The following HEXB variants were observed in gnomAD, a reference collection of about 807,000 sequenced individuals.
HEXB encodes the protein hexosaminidase subunit beta, also known as beta-hexosaminidase subunit beta.
HEXB carries 51 observed loss-of-function variants against 71.2 expected under a neutral mutation model. The ratio of observed to expected loss-of-function variants is 0.72; its 90% confidence interval spans 0.57 to 0.90. The LOEUF is 0.90. Ranked by LOEUF, HEXB falls within the 40% of genes least tolerant of loss-of-function variation. The probability of loss-of-function intolerance (pLI) is 0.00; values close to 1 mark genes in which losing one functional copy is unlikely to be tolerated. For synonymous variants in HEXB, 266 were observed against 249.3 expected, an observed-to-expected ratio of 1.07 and a Z score of -0.63; for missense variants, 617 against 677.0, an observed-to-expected ratio of 0.91 and a Z score of 0.98.
intron 5 of HEXB, among the ~76,000 whole-genome samples, chr5:74,704,764 G>T (rs1749341890): frequency 6.6e-6 from 1 of 152,140 alleles, no homozygotes; most frequent in Non-Finnish European, 1.5e-5. Context: ...ATATGATGAA[G>T]AATTTCTATT....
At chr5:74,677,245 A>T (rs749172026) in intron 1 of HEXB, among the ~76,000 whole-genome samples, 4 of 152,174 alleles carry the variant, frequency 2.6e-5, no homozygotes, top group Non-Finnish European at 4.4e-5. Flanking sequence ...GCTAGAAAAA[A>T]ACAAAATAAA....
chr5:74,660,982 A>T (rs556654977), intron 1 of HEXB, among the ~76,000 whole-genome samples: 108 of 152,320 alleles, frequency 7.1e-4, no homozygotes, highest in African/African-American at 2.5e-3. Context: ...TTGTAAAGGG[A>T]ACATGGCAAC....
chr5:74,666,528 T>C (rs2112096193), intron 1 of HEXB, among the ~76,000 whole-genome samples: 1 of 152,262 alleles, frequency 6.6e-6, no homozygotes, highest in South Asian at 2.1e-4. Context: ...CAGGATCAAG[T>C]TCAGCAGGGG....
intron 1 of HEXB, among the ~76,000 whole-genome samples, chr5:74,686,558 A>G (rs1283131756): frequency 1.3e-5 from 2 of 152,248 alleles, no homozygotes; most frequent in Non-Finnish European, 2.9e-5. Context: ...GACCCCAGAT[A>G]GGACAGGTGC....
At chr5:74,718,429 G>A in intron 10 of HEXB, 66 bp downstream of exon 10, 2 of 1,219,940 alleles carry the variant, frequency 1.6e-6, no homozygotes, top group South Asian at 2.4e-5. Context: ...GGGGCAACTG[G>A]GAATTTGCAA....
At chr5:74,646,062 T>G (rs2112067319) in intron 1 of HEXB, among the ~76,000 whole-genome samples, 1 of 152,220 alleles carries the variant, frequency 6.6e-6, no homozygotes, top group East Asian at 1.9e-4. Context: ...TATGGCAATA[T>G]CTCGGTGCCT....
intron 1 of HEXB, among the ~76,000 whole-genome samples, chr5:74,656,277 G>A (rs1224171912): frequency 1.3e-5 from 2 of 152,102 alleles, no homozygotes; most frequent in East Asian, 1.9e-4. Context: ...TCAGCAGTTC[G>A]AGACCAGCCT....
chr5:74,720,344 G>T, intron 11 of HEXB, 84 bp from the exon 12 acceptor site: 1 of 1,030,792 alleles, frequency 9.7e-7, no homozygotes. Context: ...CTAGGATAAA[G>T]ATGGAGGAAA....
At chr5:74,662,805 G>T (rs114435289) in intron 1 of HEXB, among the ~76,000 whole-genome samples, 4,258 of 152,184 alleles carry the variant, frequency 0.028, 143 homozygotes, top group Admixed American at 0.098. Flanking sequence ...CTATAATTTG[G>T]TTTTTTGTAA....
At chr5:74,704,393 G>A (rs1749333385) in intron 5 of HEXB, among the ~76,000 whole-genome samples, 1 of 151,856 alleles carries the variant, frequency 6.6e-6, no homozygotes, top group African/African-American at 2.4e-5. Flanking sequence ...TAAAAATAGT[G>A]TTTATATTTT....
At chr5:74,647,986 C>T (rs1748032665) in intron 1 of HEXB, among the ~76,000 whole-genome samples, 1 of 152,230 alleles carries the variant, frequency 6.6e-6, no homozygotes, top group Admixed American at 6.5e-5. Flanking sequence ...GAAGGTATCT[C>T]CTTTCAACTC....
chr5:74,697,016 CATT>C lies in HEXB; in HGVS notation c.583_585del (p.Ile195del). On this transcript the variant is annotated inframe_deletion, in exon 5 of 14. Transcript: ENST00000261416. Reference sequence around the variant, plus strand: ...CATAGTTCACCATCAATGAATCCACCATTATTGATTCTCCAAGGTTTTCTCACA... The same window carrying C: ...CATAGTTCACCATCAATGAATCCACCATTGATTCTCCAAGGTTTTCTCACA... 1 of 1,560,030 alleles carries C rather than the reference CATT, an allele frequency of 6.4e-7. No homozygotes were observed. The highest frequency in any genetic ancestry group is 8.8e-7 in the Non-Finnish European group (1 of 1,132,016).
Position 74,641,339 on chromosome 5 carries a change from G to C in HEXB, c.-377+781G>C, listed in dbSNP as rs1026121488. The stretch of plus-strand genomic sequence containing the variant: ...GACGTTTAAGTTTCTTGCTGGCAGA[G>C]AGCCAAAGAGACTCCAGCCCCAGGC... On this transcript the variant is annotated intron_variant, in intron 1 of 13. Transcript: ENST00000511181. The surrounding 1 kb of genome is among the most constrained non-coding windows in gnomAD (Gnocchi z 4.1). 4 of 152,396 alleles carry C rather than the reference G, an allele frequency of 2.6e-5. No homozygotes were observed. Among genetic ancestry groups the C allele is most frequent in the African/African-American group, 4.8e-5 (2 of 41,450 alleles). The allele number at this position is 152,396 out of a possible 1,614,324, so 9.4% of individuals were successfully genotyped here.
intron 8 of HEXB, among the ~76,000 whole-genome samples, chr5:74,716,016 C>CAA (rs71600435): frequency 0.011 from 716 of 64,666 alleles, 17 homozygotes; most frequent in Non-Finnish European, 0.017. Context: ...GACTCCATCT[C>CAA]AAAAAAAAAA....
intron 1 of HEXB, among the ~76,000 whole-genome samples, chr5:74,671,916 A>G (rs1748547389): frequency 6.6e-6 from 1 of 152,098 alleles, no homozygotes; most frequent in African/African-American, 2.4e-5. Context: ...GAATGCTAGG[A>G]AAGTATTCTC....
rs1749745382 is a variant in HEXB, at chr5:74,719,018, ATGG to A, written c.1417+49_1417+51del. On this transcript the variant is annotated intron_variant, in intron 11 of 13. Coordinates refer to ENST00000261416, the MANE Select transcript of HEXB (RefSeq NM_000521.4). ...AGTGTTGTGGGTTACTGTGAAGCTG[ATGG>A]TAAGTGAAGCAACCATTGTTACCTT... The A allele has an allele frequency of 2.5e-6, 4 of 1,576,626 alleles. No individual in the cohort carries two copies. In the East Asian group the frequency reaches 9.0e-5, roughly 35 times the overall value.
At chr5:74,659,478 A>T (rs954788731) in intron 1 of HEXB, among the ~76,000 whole-genome samples, 3 of 152,202 alleles carry the variant, frequency 2.0e-5, no homozygotes, top group African/African-American at 7.2e-5. Flanking sequence ...GGTGATTCTA[A>T]ACTCAAAGTT....
intron 1 of HEXB, among the ~76,000 whole-genome samples, chr5:74,655,390 G>A (rs1392964934): frequency 6.9e-6 from 1 of 144,282 alleles, no homozygotes; most frequent in Non-Finnish European, 1.5e-5. Flanking sequence ...TCTCGCCACT[G>A]CAACCTCCAT....
At chr5:74,719,019 T>C (rs369502853) in intron 11 of HEXB, 48 bp downstream of exon 11, 7 of 1,578,624 alleles carry the variant, frequency 4.4e-6, no homozygotes, top group African/African-American at 4.0e-5. Flanking sequence ...GTGAAGCTGA[T>C]GGTAAGTGAA....
Sources: allele counts gnomAD v4.1 joint callset (sites outside exome capture counted in the v4.1 genomes callset), GRCh38; gene constraint gnomAD v4.1.1; non-coding constraint Gnocchi (gnomAD v3.1); transcripts MANE v1.5; gene names NCBI Gene and HGNC (gene_info 2026-07-23, HGNC 2026-07-21).